The following RECK variants were observed in gnomAD, a reference collection of about 807,000 sequenced individuals.
RECK encodes reversion inducing cysteine rich protein with kazal motifs.
In RECK, 69 loss-of-function variants were observed where a neutral mutation model predicts 115.1. That is an observed-to-expected ratio of 0.60 (90% confidence interval 0.49 to 0.73). The LOEUF (loss-of-function observed/expected upper bound fraction) is 0.73, where lower values mean the gene tolerates loss of function less well. Ranked by LOEUF, RECK falls within the 30% of genes least tolerant of loss-of-function variation. RECK has a pLI of 0.00. For missense variants in RECK, 1,047 were observed against 1,203.7 expected (o/e 0.87, Z 1.93); for synonymous variants, 414 against 419.7 (o/e 0.99, Z 0.17).
chr9:36,119,048 G>A, intron 18 of RECK, 81 bp downstream of exon 18: 1 of 1,343,786 alleles, frequency 7.4e-7, no homozygotes, highest in Non-Finnish European at 1.0e-6. Flanking sequence ...TCATTGAGAA[G>A]AGAGCTCATT....
Position 36,110,038 on chromosome 9 carries a change from T to C in RECK, c.1847T>C (p.Leu616Pro), listed in dbSNP as rs762946339. Residue 616 changes from leucine (L) to proline (P), a missense_variant, in exon 15 of 21, where the codon CTC (leucine) becomes CCC (proline). By Grantham distance (98) the Leu-to-Pro change is moderately conservative (BLOSUM62 -3). Transcript: ENST00000377966. ...GNLVCSTRLC[L>P]SEHSSEDDRR... is the part of the protein sequence containing the mutation. ...TTGGTGTGCTCTACCCGCCTTTGCC[T>C]CAGTGAGCACAGTTCAGAAGATGAC... The C allele has an allele frequency of 1.2e-6, 2 of 1,613,922 alleles. No individual in the cohort carries two copies. Among genetic ancestry groups the C allele is most frequent in the Admixed American group, 3.3e-5 (2 of 60,020 alleles).
rs890838170 is a variant in RECK at position 36,096,533 on chromosome 9, G to A, written c.1086-3798G>A. On this transcript the variant is annotated intron_variant, in intron 10 of 20. Transcript: ENST00000377966. ...GCCTGGGCAACACAGCAAAAACTCTGTCTCAAAAAAAGAAAAAATAAAATA... is the reference window on the plus strand; with the variant it reads ...GCCTGGGCAACACAGCAAAAACTCTATCTCAAAAAAAGAAAAAATAAAATA... 4.0e-5 allele frequency among the ~76,000 whole-genome samples: 6 copies of A among 151,744 alleles called. No individual in the cohort carries two copies. The East Asian group carries it at 1.2e-3, about 29-fold the overall frequency.
intron 2 of RECK, among the ~76,000 whole-genome samples, chr9:36,054,499 TAAA>T (rs56001338): frequency 4.7e-5 from 6 of 127,168 alleles, no homozygotes; most frequent in Non-Finnish European, 4.9e-5. Flanking sequence ...GCCCTTAGTT[TAAA>T]AAAAAAAAAA....
intron 11 of RECK, among the ~76,000 whole-genome samples, chr9:36,101,737 A>G (rs1018533918): frequency 6.6e-6 from 1 of 152,246 alleles, no homozygotes; most frequent in Non-Finnish European, 1.5e-5. Flanking sequence ...AAAAGAGGCA[A>G]GCAAGCAAAC....
At chr9:36,067,216 A>C (rs1353029538) in intron 6 of RECK, among the ~76,000 whole-genome samples, 2 of 152,146 alleles carry the variant, frequency 1.3e-5, no homozygotes, top group African/African-American at 4.8e-5. Context: ...AATTTGGTGT[A>C]ATATAGCCTA....
At position 36,041,519 on chromosome 9, in the gene RECK, G is replaced by A. The variant is rs150581744; in HGVS notation, c.100+4421G>A. On this transcript the variant is annotated intron_variant, in intron 1 of 20. Coordinates refer to ENST00000377966, the MANE Select transcript of RECK (RefSeq NM_021111.3). ...AGGTTACAGCTCTTTTGACTCTAAG[G>A]AACAAAACCCAAAATAAGTCAGGAT... 5.2e-3 allele frequency among the ~76,000 whole-genome samples: 791 copies of A among 152,172 alleles called. 6 individuals are homozygous for A. The highest frequency in any genetic ancestry group is 0.018 in the African/African-American group (735 of 41,526).
At chr9:36,044,067 C>T (rs1820984702) in intron 1 of RECK, among the ~76,000 whole-genome samples, 1 of 152,112 alleles carries the variant, frequency 6.6e-6, no homozygotes, top group Non-Finnish European at 1.5e-5. Flanking sequence ...GCAGTATGGT[C>T]ATTTTGACAA....
intron 1 of RECK, among the ~76,000 whole-genome samples, chr9:36,038,099 G>T (rs1340162455): frequency 6.6e-6 from 1 of 151,394 alleles, no homozygotes; most frequent in South Asian, 2.1e-4. Flanking sequence ...GATCCCTTGA[G>T]CCCAGGAGTT....
intron 7 of RECK, among the ~76,000 whole-genome samples, chr9:36,082,190 T>TCTC: frequency 7.6e-5 from 5 of 65,426 alleles, no homozygotes; most frequent in Admixed American, 1.5e-4. Flanking sequence ...CTCTCTCTCC[T>TCTC]TTTTTCTTTT....
chr9:36,049,220 G>A (rs1821189198), intron 1 of RECK, among the ~76,000 whole-genome samples: 1 of 152,122 alleles, frequency 6.6e-6, no homozygotes, highest in South Asian at 2.1e-4. Flanking sequence ...TATGTCCAGA[G>A]TATTGATTGG....
intron 15 of RECK, among the ~76,000 whole-genome samples, chr9:36,111,771 A>T (rs1212220718): frequency 6.6e-6 from 1 of 151,984 alleles, no homozygotes; most frequent in Non-Finnish European, 1.5e-5. Context: ...TAAATTCTAG[A>T]TTTTATATGC....
At chr9:36,061,336 C>T (rs929922077) in intron 4 of RECK, among the ~76,000 whole-genome samples, 3 of 151,326 alleles carry the variant, frequency 2.0e-5, no homozygotes, top group Non-Finnish European at 4.4e-5. Context: ...TTGCCCACCT[C>T]CTTGCCTGTC....
chr9:36,066,701 A>G, intron 6 of RECK: 1 of 809,038 alleles, frequency 1.2e-6, no homozygotes, highest in Non-Finnish European at 1.6e-6. Context: ...TCTCTTGAAC[A>G]AAGTGGCTAA....
At chr9:36,078,095 G>T (rs903415128) in intron 6 of RECK, among the ~76,000 whole-genome samples, 1 of 152,128 alleles carries the variant, frequency 6.6e-6, no homozygotes, top group Non-Finnish European at 1.5e-5. Flanking sequence ...TAACTGAATG[G>T]GCATGTCTGT....
chr9:36,119,823 CAG>C (rs1411195392), intron 18 of RECK, among the ~76,000 whole-genome samples: 1 of 152,148 alleles, frequency 6.6e-6, no homozygotes, highest in African/African-American at 2.4e-5. Flanking sequence ...GGGCCCAGGG[CAG>C]AGAGGCTGCT....
At chr9:36,056,113 G>A (rs1821512014) in intron 2 of RECK, among the ~76,000 whole-genome samples, 1 of 151,944 alleles carries the variant, frequency 6.6e-6, no homozygotes, top group South Asian at 2.1e-4. Context: ...GTCATGACCA[G>A]TTGTGTTTCA....
rs761649232 is a variant in RECK at position 36,043,191 on chromosome 9, A to ATTTTT, written c.100+6113_100+6117dup. Among the ~76,000 whole-genome samples, 305 of 53,930 alleles carry ATTTTT rather than the reference A, an allele frequency of 5.7e-3. 7 individuals are homozygous for ATTTTT. The highest frequency in any genetic ancestry group is 7.9e-3 in the African/African-American group (97 of 12,220). The allele number at this position is 53,930 out of a possible 152,430, so 35.4% of individuals were successfully genotyped here. A position where few individuals can be genotyped will look rare whatever the true frequency, so the allele number is the denominator to read the frequency against. Reference sequence around the variant, plus strand: ...AGGCGCCTGCCACCACGCCTGGCTAATTTTTTTTTTTTTTTTTTTTTTTTG... The same window carrying ATTTTT: ...AGGCGCCTGCCACCACGCCTGGCTAATTTTTTTTTTTTTTTTTTTTTTTTTTTTTG... On this transcript the variant is annotated intron_variant, in intron 1 of 20. Transcript: ENST00000377966.
chr9:36,102,285 C>G, intron 12 of RECK, 55 bp downstream of exon 12: 1 of 1,447,130 alleles, frequency 6.9e-7, no homozygotes, highest in Non-Finnish European at 9.5e-7. Flanking sequence ...TCTCTTCCAA[C>G]TATTTGTTTT....
chr9:36,060,006 C>A, intron 3 of RECK, 113 bp from the exon 4 acceptor site: 1 of 886,456 alleles, frequency 1.1e-6, no homozygotes, highest in Non-Finnish European at 1.8e-6. Context: ...AGAACATTGA[C>A]TGTGTAGACA....
Sources: allele counts gnomAD v4.1 joint callset (sites outside exome capture counted in the v4.1 genomes callset), GRCh38; gene constraint gnomAD v4.1.1; transcripts MANE v1.5; gene names NCBI Gene and HGNC (gene_info 2026-07-23, HGNC 2026-07-21).